Variants in CSMD3 observed in about 807,000 individuals in gnomAD.
CSMD3 encodes CUB and sushi domain-containing protein 3.
In CSMD3, 177 loss-of-function variants were observed where a neutral mutation model predicts 435.2. The observed-to-expected ratio is 0.41, with a 90% CI of 0.36 to 0.46. The LOEUF (loss-of-function observed/expected upper bound fraction) is 0.46, where lower values mean the gene tolerates loss of function less well. Among genes scored for constraint, CSMD3 ranks in the 20% least tolerant of loss-of-function variants. The probability of loss-of-function intolerance (pLI) is 0.34; values close to 1 mark genes in which losing one functional copy is unlikely to be tolerated. For synonymous variants in CSMD3, 1,656 were observed against 1,520.5 expected, an observed-to-expected ratio of 1.09 and a Z score of -2.07; for missense variants, 4,265 against 4,504.6, an observed-to-expected ratio of 0.95 and a Z score of 1.52.
intron 12 of CSMD3, among the ~76,000 whole-genome samples, chr8:112,818,714 T>G (rs530074540): frequency 6.6e-6 from 1 of 152,276 alleles, no homozygotes; most frequent in Admixed American, 6.5e-5. Flanking sequence ...TTCTCTAGTT[T>G]AACTCTTGCT....
At chr8:112,398,187 T>C (rs1326504873) in intron 35 of CSMD3, among the ~76,000 whole-genome samples, 1 of 152,188 alleles carries the variant, frequency 6.6e-6, no homozygotes, top group Admixed American at 6.5e-5. Context: ...GCTCTGTTCT[T>C]CAGTCCCACT....
chr8:112,534,085 T>C (rs1430042536), intron 27 of CSMD3, among the ~76,000 whole-genome samples: 1 of 151,868 alleles, frequency 6.6e-6, no homozygotes. Context: ...AGATAAAAAA[T>C]TGACACCCTA....
At chr8:112,446,782 C>A (rs889881156) in intron 32 of CSMD3, among the ~76,000 whole-genome samples, 2 of 152,106 alleles carry the variant, frequency 1.3e-5, no homozygotes, top group Non-Finnish European at 2.9e-5. Context: ...CTTTCGAAAA[C>A]CAGATTATGA....
chr8:112,300,823 T>C (rs970108871), intron 53 of CSMD3, among the ~76,000 whole-genome samples: 1 of 151,934 alleles, frequency 6.6e-6, no homozygotes, highest in Non-Finnish European at 1.5e-5. Context: ...AAATTTCAAA[T>C]AATGATTGTA....
At chr8:112,420,798 C>G (rs551932677) in intron 32 of CSMD3, among the ~76,000 whole-genome samples, 54 of 152,210 alleles carry the variant, frequency 3.5e-4, no homozygotes, top group African/African-American at 1.2e-3. Context: ...TCCTGGCCCC[C>G]CTAGCTCCTA....
At chr8:113,159,401 C>T (rs2091995485) in intron 4 of CSMD3, among the ~76,000 whole-genome samples, 1 of 151,786 alleles carries the variant, frequency 6.6e-6, no homozygotes, top group East Asian at 1.9e-4. Flanking sequence ...TGCCTGATTG[C>T]CATTTGTATT....
At position 112,281,205 on chromosome 8, in the gene CSMD3, T is replaced by C; in HGVS notation, c.9477A>G (p.Gly3159=). The change falls in exon 59 of 71, where the codon GGA becomes GGG. Residue 3159 remains glycine, a synonymous_variant. Transcript: ENST00000297405. ...GPSVRQCTAN[G]TWSGTLPNCT... ...AGTTAGGTAAAGTTCCAGACCATGT[T>C]CCATTGGCTGTGCACTGTCTAACTG... 2.5e-6 allele frequency: 4 copies of C among 1,613,296 alleles called. No homozygotes were observed. The highest frequency in any genetic ancestry group is 2.5e-6 in the Non-Finnish European group (3 of 1,179,368).
At chr8:113,378,572 G>C (rs1320199883) in intron 1 of CSMD3, among the ~76,000 whole-genome samples, 3 of 152,176 alleles carry the variant, frequency 2.0e-5, no homozygotes, top group Non-Finnish European at 4.4e-5. Context: ...GAAATTTATA[G>C]AAAGAGAAGA....
intron 22 of CSMD3, among the ~76,000 whole-genome samples, chr8:112,599,466 C>T (rs1168358193): frequency 6.6e-6 from 1 of 150,830 alleles, no homozygotes; most frequent in East Asian, 2.0e-4. Context: ...TGTGGCGATT[C>T]CTCAGGGATC....
intron 4 of CSMD3, among the ~76,000 whole-genome samples, chr8:113,103,667 T>G (rs1298341304): frequency 1.3e-5 from 2 of 152,040 alleles, no homozygotes; most frequent in African/African-American, 4.8e-5. Context: ...TCATTTTAAT[T>G]GTTTAAAATA....
intron 9 of CSMD3, 78 bp downstream of exon 9, chr8:112,947,712 T>C: frequency 2.8e-6 from 2 of 704,714 alleles, no homozygotes; most frequent in East Asian, 2.7e-5. Context: ...CATCTTTATA[T>C]TATTAGCTAC....
At chr8:112,555,014 G>A (rs1827992910) in intron 25 of CSMD3, among the ~76,000 whole-genome samples, 1 of 151,822 alleles carries the variant, frequency 6.6e-6, no homozygotes, top group African/African-American at 2.4e-5. Context: ...TTCATCTTCT[G>A]TTATCATCAA....
At chr8:112,275,652 T>G (rs1190690719) in intron 59 of CSMD3, among the ~76,000 whole-genome samples, 1 of 152,130 alleles carries the variant, frequency 6.6e-6, no homozygotes, top group East Asian at 1.9e-4. Context: ...TCTTACATGG[T>G]GGCAGGCAAG....
chr8:112,837,912 T>C (rs1451411961), intron 11 of CSMD3, among the ~76,000 whole-genome samples: 1 of 151,816 alleles, frequency 6.6e-6, no homozygotes, highest in African/African-American at 2.4e-5. Context: ...TCTCAAGGTA[T>C]GCAAATACCA....
chr8:112,291,228 T>C (rs553294332), intron 56 of CSMD3, among the ~76,000 whole-genome samples: 97 of 152,026 alleles, frequency 6.4e-4, no homozygotes, highest in Non-Finnish European at 1.2e-3. Context: ...TTACAGACGA[T>C]AATATTGTAA....
chr8:112,464,573 C>A (rs796136207), intron 32 of CSMD3, among the ~76,000 whole-genome samples: 4 of 152,078 alleles, frequency 2.6e-5, no homozygotes, highest in African/African-American at 9.6e-5. Flanking sequence ...ATGAAAACAA[C>A]AATAAACTAC....
At position 112,561,261 on chromosome 8, in the gene CSMD3, G is replaced by A. The variant is rs150298850; in HGVS notation, c.4043-4307C>T. ...TAAATAAAGATGTGTATGAAAAACCGTATATGCTATAAATATTCAACACTG... is the reference window on the plus strand; with the variant it reads ...TAAATAAAGATGTGTATGAAAAACCATATATGCTATAAATATTCAACACTG... On this transcript the variant is annotated intron_variant, in intron 24 of 70. Coordinates refer to ENST00000297405, the MANE Select transcript of CSMD3 (RefSeq NM_198123.2). 3.9e-3 allele frequency among the ~76,000 whole-genome samples: 598 copies of A among 151,630 alleles called. 2 individuals are homozygous for A. Among genetic ancestry groups the A allele is most frequent in the African/African-American group, 0.013 (519 of 41,452 alleles).
chr8:112,929,233 G>T (rs1317239466), intron 9 of CSMD3, among the ~76,000 whole-genome samples: 16 of 118,996 alleles, frequency 1.3e-4, no homozygotes, highest in African/African-American at 3.8e-4. Flanking sequence ...CCCATGGGGT[G>T]GGGGGAGGGG....
chr8:112,794,285 C>CTTTTTTTTTTTTTTTTTT (rs1203991072), intron 13 of CSMD3, among the ~76,000 whole-genome samples: 2 of 96,302 alleles, frequency 2.1e-5, no homozygotes, highest in Admixed American at 1.3e-4. Flanking sequence ...GACTGATAAA[C>CTTTTTTTTTTTTTTTTTT]TTTTTTTTTT....
Sources: gnomAD v4.1 joint callset for allele counts (sites outside exome capture counted in the v4.1 genomes callset) on GRCh38, gnomAD v4.1.1 for gene constraint, MANE v1.5 for transcripts, NCBI Gene and HGNC (gene_info 2026-07-23, HGNC 2026-07-21) for gene names.